CCDC141: variants seen among roughly 807,000 people sequenced by gnomAD.
The protein encoded by CCDC141 is coiled-coil domain-containing protein 141.
Under a neutral mutation model 181.0 loss-of-function variants are expected in CCDC141, and 168 were observed. The ratio of observed to expected loss-of-function variants is 0.93; its 90% confidence interval spans 0.82 to 1.05. The LOEUF is 1.05. Among genes scored for constraint, CCDC141 ranks in the 50% least tolerant of loss-of-function variants. The probability of loss-of-function intolerance (pLI) is 0.00; values close to 1 mark genes in which losing one functional copy is unlikely to be tolerated. For missense variants in CCDC141, 1,902 were observed against 1,788.5 expected, an observed-to-expected ratio of 1.06 and a Z score of -1.14; for synonymous variants, 666 against 642.3, an observed-to-expected ratio of 1.04 and a Z score of -0.56.
Position 178,865,865 on chromosome 2 carries a change from C to T in CCDC141, c.2626G>A (p.Glu876Lys), listed in dbSNP as rs201428694. ...KNLQQQLELL[E>K]EDSMKWRAKA... The stretch of plus-strand genomic sequence containing the variant: ...GCACGCCACTTCATGCTGTCCTCCT[C>T]AAGGAGCTCCAGCTGCTGCTGTAGG... The change falls in exon 17 of 24, where the codon GAG becomes AAG. Residue 876 changes from glutamate to lysine, a missense_variant. Physicochemically the swap from Glu to Lys is moderately conservative, Grantham distance 56. Coordinates refer to ENST00000443758, the MANE Select transcript of CCDC141 (RefSeq NM_173648.4). 744 of 1,604,024 alleles carry T rather than the reference C, an allele frequency of 4.6e-4. 1 individual carries two copies. Among genetic ancestry groups the T allele is most frequent in the Non-Finnish European group, 5.8e-4 (686 of 1,174,878 alleles).
chr2:178,984,493 C>A (rs1355766769), intron 2 of CCDC141, among the ~76,000 whole-genome samples: 2 of 151,754 alleles, frequency 1.3e-5, no homozygotes, highest in African/African-American at 4.8e-5. Flanking sequence ...AATGGACTAA[C>A]TGCTCCAATT....
Position 178,867,917 on chromosome 2 carries a change from T to C in CCDC141, c.2574+109A>G, listed in dbSNP as rs1218303849. ...ACAAATAACTACCCCAATGGTTTAG[T>C]TTATTTTTAAATTTAACATATACTA... is the stretch of plus-strand genomic sequence containing the variant. On this transcript the variant is annotated intron_variant, in intron 16 of 23. Transcript: ENST00000443758. 3.4e-6 allele frequency: 3 copies of C among 882,438 alleles called. No homozygotes were observed. In the East Asian group the frequency reaches 7.7e-5, roughly 23 times the overall value. The allele number at this position is 882,438 out of a possible 1,614,324, so 54.7% of individuals were successfully genotyped here. A position where few individuals can be genotyped will look rare whatever the true frequency, so the allele number is the denominator to read the frequency against.
Position 178,834,434 on chromosome 2 carries a change from C to A in CCDC141, c.4332G>T (p.Lys1444Asn), listed in dbSNP as rs751519194. ...CATCTGCAGACAATTTCTGGCCCTT[C>A]TTGTACCTGAAGCAGAGAGGCAGTT... ...GFPEPTLTWY[K>N]KGQKLSADGH... The change falls in exon 24 of 24, where the codon AAG becomes AAT. Residue 1444 changes from lysine (K) to asparagine (N), a missense_variant. Lys to Asn is a moderately conservative substitution (Grantham distance 94). Coordinates refer to ENST00000443758, the MANE Select transcript of CCDC141 (RefSeq NM_173648.4). 2 of 1,535,688 alleles carry A rather than the reference C, an allele frequency of 1.3e-6. No homozygotes were observed. Among genetic ancestry groups the A allele is most frequent in the South Asian group, 2.4e-5 (2 of 84,048 alleles).
chr2:178,964,527 C>A (rs1024021525), intron 4 of CCDC141, among the ~76,000 whole-genome samples: 2 of 152,100 alleles, frequency 1.3e-5, no homozygotes, highest in African/African-American at 4.8e-5. Context: ...TAACAACTAC[C>A]ACAGTATTGC....
chr2:178,884,793 G>A, intron 11 of CCDC141, 108 bp downstream of exon 11: 1 of 759,650 alleles, frequency 1.3e-6, no homozygotes, highest in Non-Finnish European at 2.1e-6. Context: ...CACGCACAGG[G>A]GTAGAGGATA....
chr2:178,903,236 A>ACCC (rs1321685406), intron 8 of CCDC141, among the ~76,000 whole-genome samples: 4 of 150,176 alleles, frequency 2.7e-5, no homozygotes, highest in Admixed American at 2.0e-4. Flanking sequence ...ATACCATTTG[A>ACCC]CCCAGCCATC....
chr2:179,027,611 C>T (rs1327840446), intron 2 of CCDC141, among the ~76,000 whole-genome samples: 1 of 127,474 alleles, frequency 7.8e-6, no homozygotes, highest in African/African-American at 2.9e-5. Flanking sequence ...TGCCATTGCA[C>T]TCCAGCCTGG....
At chr2:178,933,150 G>A (rs370654123) in intron 6 of CCDC141, among the ~76,000 whole-genome samples, 5 of 152,120 alleles carry the variant, frequency 3.3e-5, no homozygotes, top group Admixed American at 6.6e-5. Flanking sequence ...GCTGAGATAC[G>A]TGAATGCTGC....
chr2:178,894,229 G>A (rs1460651754), intron 8 of CCDC141, among the ~76,000 whole-genome samples: 1 of 152,094 alleles, frequency 6.6e-6, no homozygotes, highest in Non-Finnish European at 1.5e-5. Context: ...AATAACAGAA[G>A]TACATTTTGA....
chr2:178,945,799 G>A (rs1419648756), intron 5 of CCDC141, among the ~76,000 whole-genome samples: 1 of 151,836 alleles, frequency 6.6e-6, no homozygotes, highest in Non-Finnish European at 1.5e-5. Context: ...TAGCCAAGGA[G>A]AACTCTACAT....
At chr2:178,968,713 C>T (rs1455643208) in intron 4 of CCDC141, among the ~76,000 whole-genome samples, 1 of 151,956 alleles carries the variant, frequency 6.6e-6, no homozygotes, top group African/African-American at 2.4e-5. Context: ...CAAAATCTAG[C>T]AGAAGACAAG....
chr2:178,827,097 A>G (rs1469510914), downstream of CCDC141, among the ~76,000 whole-genome samples: 2 of 152,028 alleles, frequency 1.3e-5, no homozygotes, highest in African/African-American at 2.4e-5. Context: ...ATCCTTATTG[A>G]GATTTTTTTG....
intron 2 of CCDC141, among the ~76,000 whole-genome samples, chr2:178,986,795 C>T (rs1323655014): frequency 6.6e-6 from 1 of 151,836 alleles, no homozygotes; most frequent in East Asian, 1.9e-4. Flanking sequence ...GAACTACAAA[C>T]CGCTGCTCAA....
intron 6 of CCDC141, among the ~76,000 whole-genome samples, chr2:178,922,589 C>A (rs1465278994): frequency 1.3e-5 from 2 of 152,186 alleles, no homozygotes; most frequent in Admixed American, 1.3e-4. Flanking sequence ...TCAGAATAAA[C>A]ACAAAGCTAA....
At chr2:178,844,349 G>A (rs192529725) in intron 22 of CCDC141, among the ~76,000 whole-genome samples, 129 of 152,290 alleles carry the variant, frequency 8.5e-4, no homozygotes, top group Middle Eastern at 6.8e-3. Context: ...CTGGCATCTA[G>A]TGAGCAAGGC....
intron 2 of CCDC141, among the ~76,000 whole-genome samples, chr2:178,981,483 C>T (rs74636457): frequency 0.014 from 2,126 of 151,404 alleles, 30 homozygotes; most frequent in African/African-American, 0.043. Context: ...AAACAACACA[C>T]TTTAAAATAA....
At chr2:178,901,453 T>C (rs1467776672) in intron 8 of CCDC141, among the ~76,000 whole-genome samples, 2 of 151,978 alleles carry the variant, frequency 1.3e-5, no homozygotes, top group Non-Finnish European at 2.9e-5. Context: ...TGGTTCAATA[T>C]ACGCAAATCA....
At chr2:178,910,470 T>C (rs1688173117) in intron 7 of CCDC141, among the ~76,000 whole-genome samples, 1 of 152,162 alleles carries the variant, frequency 6.6e-6, no homozygotes, top group South Asian at 2.1e-4. Context: ...GTCTAATTAG[T>C]GCTTCTAATT....
intron 17 of CCDC141, 111 bp from the exon 18 acceptor site, chr2:178,856,508 T>C (rs961464533): frequency 1.2e-5 from 9 of 765,638 alleles, no homozygotes; most frequent in Non-Finnish European, 1.5e-5. Flanking sequence ...CTTAAAAAGG[T>C]ATTTAGGGTA....
Sources: allele counts gnomAD v4.1 joint callset (sites outside exome capture counted in the v4.1 genomes callset), GRCh38; gene constraint gnomAD v4.1.1; transcripts MANE v1.5; gene names NCBI Gene and HGNC (gene_info 2026-07-23, HGNC 2026-07-21).